Variants in DMD observed in about 807,000 individuals in gnomAD.
DMD encodes the protein dystrophin.
DMD carries 63 observed loss-of-function variants against 330.1 expected under a neutral mutation model. That is an observed-to-expected ratio of 0.19 (90% CI 0.16 to 0.24). The LOEUF is 0.24. Among genes scored for constraint, DMD ranks in the 10% least tolerant of loss-of-function variants. DMD has a pLI of 1.00. For synonymous variants in DMD, 1,223 were observed against 959.8 expected (o/e 1.27, Z -5.07); for missense variants, 3,344 against 2,684.1 (o/e 1.25, Z -5.43).
chrX:32,829,951 A>G (rs1241585389), intron 4 of DMD, among the ~76,000 whole-genome samples: 1 of 111,867 alleles, frequency 8.9e-6, no homozygotes, highest in Non-Finnish European at 1.9e-5. Flanking sequence ...ATTTCACACC[A>G]TGATACAGAC....
At chrX:32,123,726 G>A (rs191368738) in intron 44 of DMD, among the ~76,000 whole-genome samples, 12 of 111,353 alleles carry the variant, frequency 1.1e-4, no homozygotes, top group African/African-American at 3.9e-4. Context: ...TAAACATTGT[G>A]GCATGCTTTA....
intron 30 of DMD, among the ~76,000 whole-genome samples, chrX:32,404,303 T>C (rs1329607447): frequency 9.0e-6 from 1 of 111,633 alleles, no homozygotes; most frequent in Non-Finnish European, 1.9e-5. Context: ...GGAAGTCTGG[T>C]CTGTAGTGGA....
intron 29 of DMD, among the ~76,000 whole-genome samples, chrX:32,417,249 A>G (rs1283566938): frequency 8.9e-6 from 1 of 111,926 alleles, no homozygotes; most frequent in African/African-American, 3.2e-5. Flanking sequence ...TTGTTGCTCC[A>G]CCATACCCAC....
chrX:32,799,136 T>A (rs2076368369), intron 7 of DMD, among the ~76,000 whole-genome samples: 1 of 110,766 alleles, frequency 9.0e-6, no homozygotes, highest in Admixed American at 9.7e-5. Flanking sequence ...ACTCCAGGAG[T>A]AAAACTTTCC....
chrX:32,487,644 G>A (rs776524250), intron 20 of DMD, among the ~76,000 whole-genome samples: 6 of 111,148 alleles, frequency 5.4e-5, no homozygotes, highest in Non-Finnish European at 1.1e-4. Flanking sequence ...AATGTACAAT[G>A]CCACTTATTC....
chrX:31,837,973 A>G (rs926310231), intron 48 of DMD, among the ~76,000 whole-genome samples: 4 of 112,219 alleles, frequency 3.6e-5, no homozygotes, highest in Non-Finnish European at 5.6e-5. Flanking sequence ...TATGTATGCA[A>G]ATTTCACTTC....
chrX:31,734,247 A>T (rs1356328545), intron 51 of DMD, among the ~76,000 whole-genome samples: 2 of 109,470 alleles, frequency 1.8e-5, no homozygotes, highest in African/African-American at 6.7e-5. Flanking sequence ...GAATCATTTG[A>T]GAATAATTTG....
chrX:33,247,140 A>G (rs1405524109), intron 1 of DMD, among the ~76,000 whole-genome samples: 1 of 111,950 alleles, frequency 8.9e-6, no homozygotes, highest in African/African-American at 3.2e-5. Flanking sequence ...AGTTAAAGGT[A>G]GCTTGGGAGC....
chrX:32,952,112 G>A (rs2091284339), intron 2 of DMD, among the ~76,000 whole-genome samples: 2 of 109,829 alleles, frequency 1.8e-5, no homozygotes, highest in South Asian at 7.8e-4. Flanking sequence ...ATGAATGCCA[G>A]CATTTGTTCA....
At chrX:32,780,167 G>A (rs1172371967) in intron 7 of DMD, among the ~76,000 whole-genome samples, 2 of 111,668 alleles carry the variant, frequency 1.8e-5, no homozygotes, top group Non-Finnish European at 3.8e-5. Flanking sequence ...AATTGTAACA[G>A]TCAATTTTTA....
Position 31,758,020 on chromosome X carries a change from G to T in DMD, c.7542+15940C>A, listed in dbSNP as rs563895843. 9.1e-5 allele frequency among the ~76,000 whole-genome samples: 10 copies of T among 109,782 alleles called. No individual in the cohort carries two copies. In the South Asian group the frequency reaches 3.2e-3, roughly 35 times the overall value. On this transcript the variant is annotated intron_variant, in intron 51 of 78. Transcript: ENST00000357033. ...GCGTCAGAGCTCAACTTCTCCCTCTGCCCCTACACGTTGACCCCAAGAACA... is the reference window on the plus strand; with the variant it reads ...GCGTCAGAGCTCAACTTCTCCCTCTTCCCCTACACGTTGACCCCAAGAACA...
chrX:32,146,224 T>G (rs957912379), intron 44 of DMD, among the ~76,000 whole-genome samples: 2 of 112,142 alleles, frequency 1.8e-5, no homozygotes, highest in African/African-American at 3.2e-5. Context: ...TTTTCAGTCT[T>G]GTAATTTATA....
At chrX:31,267,577 A>G (rs1280643964) in intron 62 of DMD, among the ~76,000 whole-genome samples, 1 of 112,592 alleles carries the variant, frequency 8.9e-6, no homozygotes, top group African/African-American at 3.2e-5. Flanking sequence ...AACTCTGAGC[A>G]TACTAATGTT....
intron 55 of DMD, among the ~76,000 whole-genome samples, chrX:31,550,116 C>T (rs2074389339): frequency 9.0e-6 from 1 of 111,467 alleles, no homozygotes; most frequent in South Asian, 3.8e-4. Context: ...GGCAACTGAA[C>T]TTCAGGAATT....
chrX:32,925,154 T>A (rs2088865489), intron 2 of DMD, among the ~76,000 whole-genome samples: 1 of 91,858 alleles, frequency 1.1e-5, no homozygotes, highest in Non-Finnish European at 2.1e-5. Flanking sequence ...GGTTTTTTTT[T>A]TTTTTTTTTT....
intron 44 of DMD, among the ~76,000 whole-genome samples, chrX:32,043,110 C>G (rs1254133926): frequency 3.6e-5 from 4 of 111,722 alleles, no homozygotes; most frequent in Admixed American, 9.5e-5. Context: ...GTTAAAACCT[C>G]TCTTGTACCC....
chrX:32,056,816 T>C (rs1213493715), intron 44 of DMD, among the ~76,000 whole-genome samples: 3 of 111,021 alleles, frequency 2.7e-5, no homozygotes, highest in Admixed American at 9.6e-5. Flanking sequence ...TAAAAGACAC[T>C]AGGAGAAAAG....
Position 31,845,229 on chromosome X carries a change from A to T in DMD, c.7099-8410T>A, listed in dbSNP as rs1299255267. ...AGAAATGAGTCATGTCAACATACTGAAGACTATTTCAGGCAGAGGGAAAAG... is the reference window on the plus strand; with the variant it reads ...AGAAATGAGTCATGTCAACATACTGTAGACTATTTCAGGCAGAGGGAAAAG... On this transcript the variant is annotated intron_variant, in intron 48 of 78. Coordinates refer to ENST00000357033, the MANE Select transcript of DMD (RefSeq NM_004006.3). Among the ~76,000 whole-genome samples, 4 of 111,206 alleles carry T rather than the reference A, an allele frequency of 3.6e-5. No individual in the cohort carries two copies. The East Asian group carries it at 1.1e-3, about 31-fold the overall frequency.
intron 1 of DMD, among the ~76,000 whole-genome samples, chrX:33,086,939 G>A (rs763645133): frequency 5.4e-5 from 6 of 110,948 alleles, no homozygotes; most frequent in Non-Finnish European, 9.4e-5. Context: ...ATAAGAATGC[G>A]AAGGTAGAAT....
Sources: allele counts gnomAD v4.1 joint callset (sites outside exome capture counted in the v4.1 genomes callset), GRCh38; gene constraint gnomAD v4.1.1; transcripts MANE v1.5; gene names NCBI Gene and HGNC (gene_info 2026-07-23, HGNC 2026-07-21).